Variants in CUL5 observed in about 807,000 individuals in gnomAD.
CUL5 encodes cullin-5.
Under a neutral mutation model 108.8 loss-of-function variants are expected in CUL5, and 26 were observed. The observed-to-expected ratio is 0.24, with a 90% CI of 0.18 to 0.33. CUL5 has a LOEUF of 0.33. Ranked by LOEUF, CUL5 falls within the 10% of genes least tolerant of loss-of-function variation. The pLI, the probability that CUL5 is intolerant of heterozygous loss-of-function variation, is 1.00. For missense variants in CUL5, 524 were observed against 909.2 expected (o/e 0.58, Z 5.45); for synonymous variants, 334 against 298.0 (o/e 1.12, Z -1.25).
rs151097110 is a variant in CUL5 at position 108,049,406 on chromosome 11, A to G, written c.235-484A>G. Among the ~76,000 whole-genome samples the G allele has an allele frequency of 6.2e-4, 95 of 152,070 alleles. 1 individual carries two copies. The highest frequency in any genetic ancestry group is 2.1e-3 in the African/African-American group (87 of 41,464). ...GCCCAGGCCAGAGTGCAGTGGTGCA[A>G]TCATGGCTCACTGTAGCCTCAACTG... On this transcript the variant is annotated intron_variant, in intron 3 of 18. Transcript: ENST00000393094.
At position 108,098,430 on chromosome 11, in the gene CUL5, G is replaced by A. The variant is rs777006695; in HGVS notation, c.2049G>A (p.Arg683=). The change falls in exon 18 of 19, where the codon AGG becomes AGA. Residue 683 remains arginine, a synonymous_variant. Transcript: ENST00000393094. ...SLIKNAKVQK[R]GKINLIGRLQ... Reference sequence around the variant, plus strand: ...GAAAAAATGCAAAGGTTCAGAAAAGGGGTAAAATCAACTTGATTGGACGTT... The same window carrying A: ...GAAAAAATGCAAAGGTTCAGAAAAGAGGTAAAATCAACTTGATTGGACGTT... 2 of 1,605,684 alleles carry A rather than the reference G, an allele frequency of 1.2e-6. No homozygotes were observed. The highest frequency in any genetic ancestry group is 2.2e-5 in the South Asian group (2 of 89,406).
chr11:108,046,478 G>T, intron 3 of CUL5, 109 bp downstream of exon 3: 1 of 597,470 alleles, frequency 1.7e-6, no homozygotes, highest in Non-Finnish European at 2.9e-6. Flanking sequence ...ATATTGCATT[G>T]ACTTTTGACA....
chr11:108,057,424 CTTAA>C (rs1863412940), intron 7 of CUL5, among the ~76,000 whole-genome samples: 1 of 152,186 alleles, frequency 6.6e-6, no homozygotes, highest in South Asian at 2.1e-4. Flanking sequence ...AAGACACCAT[CTTAA>C]TTAAGTGATC....
chr11:108,099,239 A>C (rs1227560805), intron 18 of CUL5, among the ~76,000 whole-genome samples: 1 of 152,134 alleles, frequency 6.6e-6, no homozygotes, highest in Non-Finnish European at 1.5e-5. Context: ...TCCTGGGCTC[A>C]AGCAATATGC....
intron 1 of CUL5, among the ~76,000 whole-genome samples, chr11:108,021,509 G>A (rs1477194061): frequency 6.6e-6 from 1 of 152,048 alleles, no homozygotes; most frequent in Non-Finnish European, 1.5e-5. Context: ...TTTAGAGACA[G>A]GGTCTTACTC....
rs1210973477 is a variant in CUL5, at chr11:108,070,490, C to A, written c.874+301C>A. Among the ~76,000 whole-genome samples the A allele has an allele frequency of 2.6e-5, 4 of 152,080 alleles. 1 individual carries two copies. Among genetic ancestry groups the A allele is most frequent in the Admixed American group, 6.6e-5 (1 of 15,260 alleles). Reference sequence around the variant, plus strand: ...TTTAAAGGCCAGTTTAAACTGGAAACATATGTTATAGATTAGAACCAGGTA... The same window carrying A: ...TTTAAAGGCCAGTTTAAACTGGAAAAATATGTTATAGATTAGAACCAGGTA... On this transcript the variant is annotated intron_variant, in intron 8 of 18. Coordinates refer to ENST00000393094, the MANE Select transcript of CUL5 (RefSeq NM_003478.6).
At chr11:108,095,727 C>CGG (rs1864473886) in intron 16 of CUL5, 36 bp downstream of exon 16, 2 of 1,537,336 alleles carry the variant, frequency 1.3e-6, no homozygotes, top group African/African-American at 2.8e-5. Flanking sequence ...AGACTGTATC[C>CGG]TCTCATGTAG....
intron 18 of CUL5, among the ~76,000 whole-genome samples, chr11:108,102,857 G>A (rs1303389164): frequency 6.6e-6 from 1 of 152,122 alleles, no homozygotes; most frequent in Non-Finnish European, 1.5e-5. Context: ...GTGCAGTGGT[G>A]TGATCTCAGC....
intron 1 of CUL5, among the ~76,000 whole-genome samples, chr11:108,017,535 C>G (rs568290052): frequency 2.0e-5 from 3 of 152,002 alleles, no homozygotes; most frequent in Non-Finnish European, 1.5e-5. Context: ...GTAATTAGGG[C>G]GGTAGCGAAA....
chr11:108,048,791 C>T (rs1195405070), intron 3 of CUL5, among the ~76,000 whole-genome samples: 4 of 151,550 alleles, frequency 2.6e-5, no homozygotes, highest in Admixed American at 6.6e-5. Flanking sequence ...CTCAGCCTCC[C>T]GAGCAGCTGA....
chr11:108,094,100 T>C (rs568594176), intron 13 of CUL5, among the ~76,000 whole-genome samples: 29 of 152,246 alleles, frequency 1.9e-4, no homozygotes, highest in Non-Finnish European at 4.1e-4. Context: ...AAATTTATTA[T>C]ATAGTGTCAA....
intron 16 of CUL5, 125 bp from the exon 17 acceptor site, chr11:108,097,511 A>AGT: frequency 3.4e-6 from 2 of 596,174 alleles, no homozygotes; most frequent in Non-Finnish European, 6.0e-6. Context: ...TATTCATGGA[A>AGT]GTACCACACA....
At position 108,048,911 on chromosome 11, in the gene CUL5, C is replaced by T. The variant is rs577824130; in HGVS notation, c.235-979C>T. 1.9e-3 allele frequency among the ~76,000 whole-genome samples: 294 copies of T among 151,852 alleles called. 1 individual carries two copies. The highest frequency in any genetic ancestry group is 6.8e-3 in the African/African-American group (280 of 41,386). ...CAAACTCATGACCTCGTGATCTGCC[C>T]GCCTTAGCCTCCCAAAGTGCTGGGA... On this transcript the variant is annotated intron_variant, in intron 3 of 18. Coordinates refer to ENST00000393094, the MANE Select transcript of CUL5 (RefSeq NM_003478.6).
intron 7 of CUL5, among the ~76,000 whole-genome samples, chr11:108,058,240 A>G (rs1591304696): frequency 4.9e-5 from 6 of 123,450 alleles, no homozygotes; most frequent in African/African-American, 1.2e-4. Flanking sequence ...TATTATGAAG[A>G]GTGCCTTTTT....
intron 12 of CUL5, among the ~76,000 whole-genome samples, chr11:108,089,195 C>G (rs963156806): frequency 1.3e-5 from 2 of 151,954 alleles, no homozygotes; most frequent in African/African-American, 2.4e-5. Context: ...GTAGAAGAGA[C>G]ACTTTGCAGG....
intron 1 of CUL5, among the ~76,000 whole-genome samples, chr11:108,022,749 A>G (rs1023346582): frequency 1.3e-5 from 2 of 152,124 alleles, no homozygotes; most frequent in Admixed American, 6.6e-5. Context: ...TGCTTTTGAG[A>G]TATAAATTTT....
chr11:108,107,723 A>G lies in CUL5; in HGVS notation c.*3339A>G, dbSNP rs1196518103. 6.6e-6 allele frequency: 1 copy of G among 152,572 alleles called. No individual in the cohort carries two copies. Among genetic ancestry groups the G allele is most frequent in the African/African-American group, 2.4e-5 (1 of 41,450 alleles). 9.5% of individuals were successfully genotyped at this position (152,572 alleles called of 1,614,324 possible). ...TTTTGGATTTTATTTTTTAAGTTGT[A>G]TAATTTATTTTCTTGCAAAATAAAA... is the stretch of plus-strand genomic sequence containing the variant. On this transcript the variant is annotated 3_prime_UTR_variant, in exon 19 of 19. Transcript: ENST00000393094.
chr11:108,071,125 A>G (rs1863809923), intron 8 of CUL5, among the ~76,000 whole-genome samples: 1 of 152,162 alleles, frequency 6.6e-6, no homozygotes, highest in Non-Finnish European at 1.5e-5. Flanking sequence ...TCTAATCTCT[A>G]ATATAGTTGC....
chr11:108,076,842 G>A (rs1353190686), intron 10 of CUL5, among the ~76,000 whole-genome samples: 1 of 152,224 alleles, frequency 6.6e-6, no homozygotes, highest in Non-Finnish European at 1.5e-5. Flanking sequence ...ACTCAGATTC[G>A]TGTTCTGATC....
Sources: allele counts gnomAD v4.1 joint callset (sites outside exome capture counted in the v4.1 genomes callset), GRCh38; gene constraint gnomAD v4.1.1; transcripts MANE v1.5; gene names NCBI Gene and HGNC (gene_info 2026-07-23, HGNC 2026-07-21).